The following FNIP2 variants were observed in gnomAD, a reference collection of about 807,000 sequenced individuals.
FNIP2 encodes folliculin-interacting protein 2.
A neutral mutation model predicts 108.7 loss-of-function variants in FNIP2; 32 were observed. The observed-to-expected ratio is 0.29, with a 90% CI of 0.22 to 0.40. The LOEUF (loss-of-function observed/expected upper bound fraction) is 0.40, where lower values mean the gene tolerates loss of function less well. FNIP2 is among the 10% of genes least tolerant of loss of function. The probability of loss-of-function intolerance (pLI) is 1.00; values close to 1 mark genes in which losing one functional copy is unlikely to be tolerated. For missense variants in FNIP2, 1,202 were observed against 1,381.6 expected, an observed-to-expected ratio of 0.87 and a Z score of 2.06; for synonymous variants, 480 against 496.7, an observed-to-expected ratio of 0.97 and a Z score of 0.45.
chr4:158,877,952 C>G (rs193169946), intron 14 of FNIP2, among the ~76,000 whole-genome samples: 1 of 151,842 alleles, frequency 6.6e-6, no homozygotes, highest in Non-Finnish European at 1.5e-5. Context: ...CCCCCACCCC[C>G]CCTCACCCAC....
intron 14 of FNIP2, among the ~76,000 whole-genome samples, chr4:158,877,948 C>A (rs960842996): frequency 1.3e-5 from 2 of 150,890 alleles, no homozygotes; most frequent in Admixed American, 6.6e-5. Context: ...TCCTCCCCCA[C>A]CCCCCCTCAC....
At chr4:158,852,451 T>C (rs566096495) in intron 8 of FNIP2, among the ~76,000 whole-genome samples, 28 of 152,310 alleles carry the variant, frequency 1.8e-4, no homozygotes, top group African/African-American at 6.3e-4. Flanking sequence ...TTGAATGAGA[T>C]GATTAAAAGC....
intron 1 of FNIP2, among the ~76,000 whole-genome samples, chr4:158,783,774 C>T (rs916946023): frequency 6.6e-6 from 1 of 152,182 alleles, no homozygotes; most frequent in African/African-American, 2.4e-5. Context: ...CTGGAATTCT[C>T]CATCTGGTTC....
At chr4:158,810,403 C>T (rs755613578) in intron 1 of FNIP2, among the ~76,000 whole-genome samples, 2 of 152,160 alleles carry the variant, frequency 1.3e-5, no homozygotes, top group Non-Finnish European at 2.9e-5. Context: ...CGTTCTTCTG[C>T]GCTTCCTGCA....
At chr4:158,890,098 G>C in intron 14 of FNIP2, 1 of 985,270 alleles carries the variant, frequency 1.0e-6, no homozygotes, top group Non-Finnish European at 1.2e-6. Context: ...AACTGTCTTG[G>C]GAAACTGGGC....
intron 14 of FNIP2, among the ~76,000 whole-genome samples, chr4:158,884,235 G>T (rs1204175181): frequency 2.6e-5 from 4 of 152,118 alleles, no homozygotes; most frequent in Non-Finnish European, 5.9e-5. Flanking sequence ...TAGGAACTGG[G>T]TTGCATCCAA....
chr4:158,776,576 A>G (rs1219050595), intron 1 of FNIP2, among the ~76,000 whole-genome samples: 1 of 152,260 alleles, frequency 6.6e-6, no homozygotes, highest in African/African-American at 2.4e-5. Flanking sequence ...CTTTTATAAA[A>G]TATGATTTAA....
chr4:158,833,926 C>T (rs1240317159), intron 6 of FNIP2: 2 of 1,267,810 alleles, frequency 1.6e-6, no homozygotes, highest in Admixed American at 3.2e-5. Context: ...GTGACCCACA[C>T]ATATTAATAA....
intron 2 of FNIP2, among the ~76,000 whole-genome samples, chr4:158,827,328 A>G (rs906425767): frequency 6.6e-6 from 1 of 152,188 alleles, no homozygotes; most frequent in African/African-American, 2.4e-5. Flanking sequence ...AGCAGCTATC[A>G]CTGGGGCTGC....
At chr4:158,815,517 G>C (rs1432446999) in intron 1 of FNIP2, among the ~76,000 whole-genome samples, 1 of 151,994 alleles carries the variant, frequency 6.6e-6, no homozygotes. Flanking sequence ...CGAGTAGCTG[G>C]GACTACAGGC....
At chr4:158,857,685 G>A (rs1298095168) in intron 8 of FNIP2, among the ~76,000 whole-genome samples, 2 of 151,634 alleles carry the variant, frequency 1.3e-5, no homozygotes, top group African/African-American at 2.4e-5. Context: ...GCTCACGGCT[G>A]TAATCCCAGC....
At position 158,851,440 on chromosome 4, in the gene FNIP2, A is replaced by G; in HGVS notation, c.847A>G (p.Ile283Val). ...SQTTSLENGI[I>V]PRRSTDETFS... The stretch of plus-strand genomic sequence containing the variant: ...GACAACAAGTTTGGAAAATGGCATC[A>G]TCCCAAGAAGGTGAGTTGCAAGTTT... The change falls in exon 8 of 17, where the codon ATC becomes GTC. Residue 283 changes from isoleucine (I) to valine (V), a missense_variant. Ile to Val is a conservative substitution (Grantham distance 29). Transcript: ENST00000264433. 1 of 1,613,928 alleles carries G rather than the reference A, an allele frequency of 6.2e-7. No individual in the cohort carries two copies. The highest frequency in any genetic ancestry group is 8.5e-7 in the Non-Finnish European group (1 of 1,179,848).
At chr4:158,869,927 T>C (rs1780838979) in intron 13 of FNIP2, among the ~76,000 whole-genome samples, 1 of 152,242 alleles carries the variant, frequency 6.6e-6, no homozygotes, top group Non-Finnish European at 1.5e-5. Flanking sequence ...AAAGCAGTAA[T>C]TAGAAATTTC....
intron 15 of FNIP2, chr4:158,893,332 C>G (rs185229479): frequency 5.4e-6 from 1 of 186,906 alleles, no homozygotes; most frequent in African/African-American, 2.3e-5. Context: ...TCTTTCAAAG[C>G]CTTAATTTCC....
At chr4:158,835,540 G>T in intron 7 of FNIP2, 64 bp downstream of exon 7, 1 of 1,479,526 alleles carries the variant, frequency 6.8e-7, no homozygotes, top group Non-Finnish European at 9.4e-7. Flanking sequence ...TGTGGAAGGT[G>T]GGAAAGTAGA....
chr4:158,791,266 C>CTTTTTTTTTTTTTTTTTTTTTTTTTTTTT, intron 1 of FNIP2, among the ~76,000 whole-genome samples: 1 of 98,078 alleles, frequency 1.0e-5, no homozygotes, highest in Non-Finnish European at 1.9e-5. Context: ...ACTGAGGATC[C>CTTTTTTTTTTTTTTTTTTTTTTTTTTTTT]TTTTTTTTTT....
chr4:158,853,589 A>G (rs1046495068), intron 8 of FNIP2, among the ~76,000 whole-genome samples: 2 of 152,128 alleles, frequency 1.3e-5, no homozygotes, highest in Non-Finnish European at 1.5e-5. Context: ...AAGTGGGGAC[A>G]TTGTTCAGTG....
intron 1 of FNIP2, among the ~76,000 whole-genome samples, chr4:158,796,334 C>A (rs1776590740): frequency 6.6e-6 from 1 of 151,992 alleles, no homozygotes; most frequent in African/African-American, 2.4e-5. Flanking sequence ...AGAGAGAATA[C>A]CTTATGTTAA....
rs546392926 is a variant in FNIP2 at position 158,811,745 on chromosome 4, T to C, written c.108-14171T>C. 4.6e-5 allele frequency among the ~76,000 whole-genome samples: 7 copies of C among 152,314 alleles called. No homozygotes were observed. In the South Asian group the frequency reaches 1.2e-3, roughly 27 times the overall value. Reference sequence around the variant, plus strand: ...ACTTGGAACCAGTGGACAGGTAGTGTCTGAAGTCCCTTCCAGCTAACATTC... The same window carrying C: ...ACTTGGAACCAGTGGACAGGTAGTGCCTGAAGTCCCTTCCAGCTAACATTC... On this transcript the variant is annotated intron_variant, in intron 1 of 16. Transcript: ENST00000264433.
Sources: allele counts gnomAD v4.1 joint callset (sites outside exome capture counted in the v4.1 genomes callset), GRCh38; gene constraint gnomAD v4.1.1; transcripts MANE v1.5; gene names NCBI Gene and HGNC (gene_info 2026-07-23, HGNC 2026-07-21).